Variants in TMEM272 observed in about 807,000 individuals in gnomAD.
TMEM272 encodes long intergenic non-protein coding RNA 282.
Under a neutral mutation model 3.7 loss-of-function variants are expected in TMEM272, and 8 were observed. That is an observed-to-expected ratio of 2.17 (90% CI 1.27 to 3.91). The LOEUF is 3.91. Ranked by LOEUF, TMEM272 falls within the 30% of genes most tolerant of loss-of-function variation. The pLI, the probability that TMEM272 is intolerant of heterozygous loss-of-function variation, is 0.00. For missense variants in TMEM272, 166 were observed against 91.5 expected, an observed-to-expected ratio of 1.81 and a Z score of -3.32; for synonymous variants, 63 against 39.8, an observed-to-expected ratio of 1.58 and a Z score of -2.20.
the TMEM272 span, among the ~76,000 whole-genome samples, chr13:51,889,970 A>G: frequency 6.6e-6 from 1 of 152,048 alleles, no homozygotes; most frequent in East Asian, 1.9e-4. Flanking sequence ...TGGCAGACCA[A>G]GAGGATAGGA....
At chr13:51,901,136 C>CT in the TMEM272 span, among the ~76,000 whole-genome samples, 21 of 151,172 alleles carry the variant, frequency 1.4e-4, no homozygotes, top group Admixed American at 1.1e-3. Context: ...TAAAACTTTT[C>CT]TTTTTTTTTC....
the TMEM272 span, among the ~76,000 whole-genome samples, chr13:51,881,803 T>C: frequency 6.6e-6 from 1 of 152,132 alleles, no homozygotes; most frequent in Non-Finnish European, 1.5e-5. Flanking sequence ...TGCTTTGAAC[T>C]TGGATTTCCC....
chr13:51,910,314 T>C, the TMEM272 span: 31 of 1,395,622 alleles, frequency 2.2e-5, no homozygotes, highest in African/African-American at 7.1e-5. Context: ...ATAGCCTTCA[T>C]ACTCTTTTTG....
At chr13:51,895,789 G>A in the TMEM272 span, among the ~76,000 whole-genome samples, 3 of 152,050 alleles carry the variant, frequency 2.0e-5, no homozygotes, top group Admixed American at 1.3e-4. Flanking sequence ...TTCCCAATGC[G>A]CCAAATGCTT....
At chr13:51,880,259 A>T in the TMEM272 span, among the ~76,000 whole-genome samples, 1 of 133,188 alleles carries the variant, frequency 7.5e-6, no homozygotes, top group South Asian at 2.6e-4. Flanking sequence ...TGACTTTCAA[A>T]TTCAATTCCT....
chr13:51,820,569 A>G (rs1412943581), intron 4 of TMEM272, among the ~76,000 whole-genome samples: 1 of 152,218 alleles, frequency 6.6e-6, no homozygotes, highest in African/African-American at 2.4e-5. Flanking sequence ...TCAGAAAGGA[A>G]AAGTTTGCTG....
At chr13:51,878,494 C>G in the TMEM272 span, among the ~76,000 whole-genome samples, 1 of 152,122 alleles carries the variant, frequency 6.6e-6, no homozygotes, top group Admixed American at 6.5e-5. Context: ...ATCACAAGAA[C>G]AGCATGGGGG....
In TMEM272 at chr13:51,822,131, T is replaced by C; in HGVS notation, c.125A>G (p.Lys42Arg). ...CTGTATAGGGCAGTCCTCCAAAAATTTCATTCCTACATAGGGCAAACAGAA... is the reference window on the plus strand; with the variant it reads ...CTGTATAGGGCAGTCCTCCAAAAATCTCATTCCTACATAGGGCAAACAGAA... ...LPLSMTFIGM[K>R]FLEDCPIQPL... The change falls in exon 4 of 5, where the codon AAA becomes AGA. Residue 42 changes from lysine to arginine, a missense_variant. Transcript: ENST00000629372. 1 of 698,076 alleles carries C rather than the reference T, an allele frequency of 1.4e-6. No homozygotes were observed. Among genetic ancestry groups the C allele is most frequent in the East Asian group, 2.7e-5 (1 of 37,232 alleles). 43.2% of individuals were successfully genotyped at this position (698,076 alleles called of 1,614,324 possible). A position where few individuals can be genotyped will look rare whatever the true frequency, so the allele number is the denominator to read the frequency against.
chr13:51,889,633 T>TGG, the TMEM272 span, among the ~76,000 whole-genome samples: 713 of 148,004 alleles, frequency 4.8e-3, 5 homozygotes, highest in Middle Eastern at 0.014. Flanking sequence ...TTTGTGTGTG[T>TGG]GTGGGGGGGT....
the TMEM272 span, among the ~76,000 whole-genome samples, chr13:51,924,396 AAAAC>A: frequency 2.0e-5 from 3 of 152,224 alleles, no homozygotes; most frequent in East Asian, 5.8e-4. Context: ...CTCTAAAACA[AAAAC>A]AAACAAAAAC....
At chr13:51,837,312 C>G (rs1593598269) in intron 2 of TMEM272, among the ~76,000 whole-genome samples, 1 of 152,112 alleles carries the variant, frequency 6.6e-6, no homozygotes, top group Non-Finnish European at 1.5e-5. Context: ...AACTAATTTC[C>G]CGAAGATGTA....
At chr13:51,820,317 G>C (rs1020133892) in intron 4 of TMEM272, among the ~76,000 whole-genome samples, 10 of 152,166 alleles carry the variant, frequency 6.6e-5, no homozygotes, top group Non-Finnish European at 1.3e-4. Flanking sequence ...CCCCTAGGCA[G>C]GTTCTGAGGT....
At chr13:51,882,726 T>C in the TMEM272 span, among the ~76,000 whole-genome samples, 1 of 148,514 alleles carries the variant, frequency 6.7e-6, no homozygotes, top group Non-Finnish European at 1.5e-5. Context: ...CATTAAAAAA[T>C]AAAAAATAAA....
intron 4 of TMEM272, among the ~76,000 whole-genome samples, chr13:51,819,525 T>C (rs1956061308): frequency 6.6e-6 from 1 of 152,216 alleles, no homozygotes. Context: ...GAAAGAGCCG[T>C]GGCAAGTGGG....
intron 4 of TMEM272, among the ~76,000 whole-genome samples, chr13:51,817,569 T>G (rs1207326261): frequency 6.6e-6 from 1 of 152,182 alleles, no homozygotes; most frequent in Non-Finnish European, 1.5e-5. Context: ...GACTTTTCCC[T>G]GGTACTTCCA....
intron 1 of TMEM272, among the ~76,000 whole-genome samples, chr13:51,841,406 A>T (rs1177306420): frequency 2.0e-5 from 3 of 152,242 alleles, no homozygotes; most frequent in Non-Finnish European, 4.4e-5. Flanking sequence ...AACGGTTTCT[A>T]TCAGCGCCTA....
the TMEM272 span, among the ~76,000 whole-genome samples, chr13:51,852,650 C>A: frequency 1.3e-5 from 2 of 152,092 alleles, no homozygotes; most frequent in Admixed American, 1.3e-4. Flanking sequence ...GAGGCCAAGG[C>A]GGGCAGATCA....
At chr13:51,820,408 G>A (rs979070129) in intron 4 of TMEM272, among the ~76,000 whole-genome samples, 3 of 152,146 alleles carry the variant, frequency 2.0e-5, no homozygotes, top group Admixed American at 6.5e-5. Context: ...TAATGGTTAT[G>A]GACTCACTGT....
the TMEM272 span, among the ~76,000 whole-genome samples, chr13:51,853,603 T>C: frequency 6.6e-6 from 1 of 152,178 alleles, no homozygotes; most frequent in Non-Finnish European, 1.5e-5. Flanking sequence ...GACCTCACTG[T>C]TCACACCTGT....
Sources: allele counts gnomAD v4.1 joint callset (sites outside exome capture counted in the v4.1 genomes callset), GRCh38; gene constraint gnomAD v4.1.1; transcripts MANE v1.5; gene names NCBI Gene and HGNC (gene_info 2026-07-23, HGNC 2026-07-21).